The following TSPAN14 variants were observed in gnomAD, a reference collection of about 807,000 sequenced individuals.
The protein encoded by TSPAN14 is tetraspanin-14.
A neutral mutation model predicts 36.6 loss-of-function variants in TSPAN14; 16 were observed. The ratio of observed to expected loss-of-function variants is 0.44; its 90% CI spans 0.30 to 0.66. TSPAN14 has a LOEUF of 0.66. TSPAN14 is among the 30% of genes least tolerant of loss of function. The pLI is 0.12. For missense variants in TSPAN14, 231 were observed against 355.1 expected (o/e 0.65, Z 2.81); for synonymous variants, 139 against 143.8 (o/e 0.97, Z 0.24).
chr10:80,498,795 C>G (rs539436170), intron 2 of TSPAN14, among the ~76,000 whole-genome samples: 148 of 152,326 alleles, frequency 9.7e-4, no homozygotes, highest in African/African-American at 3.5e-3. Flanking sequence ...TACAACCTTC[C>G]TGTGACCTAG....
intron 1 of TSPAN14, among the ~76,000 whole-genome samples, chr10:80,486,348 A>G (rs1847595010): frequency 6.6e-6 from 1 of 152,166 alleles, no homozygotes; most frequent in Non-Finnish European, 1.5e-5. Flanking sequence ...GAGACCAGGG[A>G]CCGTCAGGTT....
intron 1 of TSPAN14, among the ~76,000 whole-genome samples, chr10:80,458,272 G>T (rs1017939521): frequency 1.3e-5 from 2 of 152,184 alleles, no homozygotes; most frequent in African/African-American, 4.8e-5. Context: ...CTGGGGATGG[G>T]ATTGAGTGTG....
intron 1 of TSPAN14, among the ~76,000 whole-genome samples, chr10:80,475,991 T>A (rs907984388): frequency 1.7e-4 from 26 of 152,222 alleles, no homozygotes; most frequent in African/African-American, 6.0e-4. Context: ...GTCCCTAATA[T>A]AAAATGGTGT....
At chr10:80,488,505 G>A (rs1847749174) in intron 1 of TSPAN14, among the ~76,000 whole-genome samples, 1 of 151,960 alleles carries the variant, frequency 6.6e-6, no homozygotes, top group African/African-American at 2.4e-5. Context: ...CAAAGCTATG[G>A]CTATAGTCTG....
intron 1 of TSPAN14, among the ~76,000 whole-genome samples, chr10:80,469,333 T>A (rs1267541629): frequency 2.0e-5 from 3 of 151,798 alleles, no homozygotes; most frequent in African/African-American, 7.3e-5. Flanking sequence ...AAAGATGTTT[T>A]GGTGTATGTT....
intron 1 of TSPAN14, among the ~76,000 whole-genome samples, chr10:80,465,782 T>G (rs957917545): frequency 6.6e-6 from 1 of 152,168 alleles, no homozygotes. Flanking sequence ...AGAGGCAGGA[T>G]TGGTTAAGAA....
intron 4 of TSPAN14, among the ~76,000 whole-genome samples, chr10:80,508,561 G>A (rs1401268240): frequency 1.3e-5 from 2 of 152,208 alleles, no homozygotes; most frequent in Non-Finnish European, 2.9e-5. Flanking sequence ...ATGTGGACCT[G>A]TGGCTGCACT....
intron 2 of TSPAN14, among the ~76,000 whole-genome samples, chr10:80,493,311 T>C (rs377294512): frequency 2.6e-5 from 4 of 152,250 alleles, no homozygotes; most frequent in African/African-American, 9.6e-5. Context: ...TTAGTGAAAA[T>C]GTAAAATGGT....
At chr10:80,489,339 T>G in intron 2 of TSPAN14, 25 bp downstream of exon 2, 2 of 1,432,620 alleles carry the variant, frequency 1.4e-6, no homozygotes, top group South Asian at 1.2e-5. Flanking sequence ...GCTGCCACAT[T>G]CCCTTGTTTA....
At chr10:80,513,915 T>A in intron 6 of TSPAN14, 104 bp from the exon 7 acceptor site, 1 of 962,072 alleles carries the variant, frequency 1.0e-6, no homozygotes, top group Non-Finnish European at 1.6e-6. Context: ...TGTAATGGAA[T>A]TTGCACAAAT....
exon 6 of TSPAN14, chr10:80,512,192 T>C: frequency 1.2e-6 from 2 of 1,614,216 alleles, no homozygotes; most frequent in Non-Finnish European, 1.7e-6. Context: ...CCTCAACGTC[T>C]ACTTCAATTG....
chr10:80,494,298 A>T (rs547221332), intron 2 of TSPAN14, among the ~76,000 whole-genome samples: 32 of 152,340 alleles, frequency 2.1e-4, no homozygotes, highest in Admixed American at 9.8e-4. Flanking sequence ...CTTAAGGCCT[A>T]TTCCTTCAAA....
chr10:80,481,897 G>T (rs1847298273), intron 1 of TSPAN14, among the ~76,000 whole-genome samples: 1 of 152,116 alleles, frequency 6.6e-6, no homozygotes, highest in Non-Finnish European at 1.5e-5. Flanking sequence ...GGGACTACAG[G>T]CACCTGCCAC....
intron 1 of TSPAN14, among the ~76,000 whole-genome samples, chr10:80,460,502 C>T (rs554454718): frequency 3.3e-5 from 5 of 152,130 alleles, no homozygotes; most frequent in East Asian, 3.8e-4. Context: ...GTCAGTATCC[C>T]GTGGTTGGCA....
At chr10:80,511,241 G>A (rs1056456941) in intron 5 of TSPAN14, among the ~76,000 whole-genome samples, 1 of 152,200 alleles carries the variant, frequency 6.6e-6, no homozygotes, top group Non-Finnish European at 1.5e-5. Context: ...GCGAGGAAGG[G>A]GAGGGCAGAG....
intron 1 of TSPAN14, among the ~76,000 whole-genome samples, chr10:80,486,987 C>A (rs1443739296): frequency 2.6e-5 from 4 of 152,034 alleles, no homozygotes; most frequent in African/African-American, 9.7e-5. Context: ...TTTGGGAGGC[C>A]CTGGCAGGAG....
At chr10:80,472,206 C>G (rs1846591446) in intron 1 of TSPAN14, among the ~76,000 whole-genome samples, 1 of 151,812 alleles carries the variant, frequency 6.6e-6, no homozygotes, top group Admixed American at 6.6e-5. Context: ...TTTTTTTGTT[C>G]CTCCAAGAAG....
chr10:80,460,185 T>C (rs1845904362), intron 1 of TSPAN14, among the ~76,000 whole-genome samples: 1 of 152,176 alleles, frequency 6.6e-6, no homozygotes, highest in Admixed American at 6.5e-5. Flanking sequence ...TGGGAACTTA[T>C]AGCCAAGGAG....
chr10:80,486,992 C>CGGG (rs1396294693), intron 1 of TSPAN14, among the ~76,000 whole-genome samples: 1 of 152,050 alleles, frequency 6.6e-6, no homozygotes, highest in African/African-American at 2.4e-5. Flanking sequence ...GAGGCCCTGG[C>CGGG]AGGAGGATTG....
Sources: gnomAD v4.1 joint callset for allele counts (sites outside exome capture counted in the v4.1 genomes callset) on GRCh38, gnomAD v4.1.1 for gene constraint, MANE v1.5 for transcripts, NCBI Gene and HGNC (gene_info 2026-07-23, HGNC 2026-07-21) for gene names.